HPSE2: variants seen among roughly 807,000 people sequenced by gnomAD.
HPSE2 encodes the protein heparanase 2 (inactive).
HPSE2 carries 38 observed loss-of-function variants against 60.5 expected under a neutral mutation model. That is an observed-to-expected ratio of 0.63 (90% CI 0.48 to 0.82). The LOEUF (loss-of-function observed/expected upper bound fraction) is 0.82, where lower values mean the gene tolerates loss of function less well. Ranked by LOEUF, HPSE2 falls within the 40% of genes least tolerant of loss-of-function variation. HPSE2 has a pLI of 0.00. For synonymous variants in HPSE2, 295 were observed against 293.2 expected (o/e 1.01, Z -0.06); for missense variants, 713 against 740.4 (o/e 0.96, Z 0.43).
intron 3 of HPSE2, among the ~76,000 whole-genome samples, chr10:99,110,104 C>T (rs771462047): frequency 6.6e-6 from 1 of 152,122 alleles, no homozygotes; most frequent in Non-Finnish European, 1.5e-5. Flanking sequence ...GATATTAGTT[C>T]GTTGGTTTTT....
At chr10:98,952,448 G>A (rs1440224441) in intron 3 of HPSE2, among the ~76,000 whole-genome samples, 1 of 151,612 alleles carries the variant, frequency 6.6e-6, no homozygotes, top group African/African-American at 2.4e-5. Flanking sequence ...TTTTAAAACG[G>A]TAAATCCTTT....
chr10:99,024,338 T>G (rs565368034), intron 3 of HPSE2, among the ~76,000 whole-genome samples: 56 of 152,016 alleles, frequency 3.7e-4, no homozygotes, highest in Non-Finnish European at 5.7e-4. Context: ...ACCTACAAGA[T>G]CTAGATAGGT....
intron 3 of HPSE2, among the ~76,000 whole-genome samples, chr10:98,902,198 T>C (rs1334670721): frequency 1.3e-5 from 2 of 152,126 alleles, no homozygotes; most frequent in African/African-American, 4.8e-5. Context: ...GAATAAAGTA[T>C]CAGATGAAGT....
At chr10:98,999,369 G>A (rs1017779844) in intron 3 of HPSE2, among the ~76,000 whole-genome samples, 4 of 152,098 alleles carry the variant, frequency 2.6e-5, no homozygotes, top group South Asian at 2.1e-4. Context: ...AAGAGCTTAC[G>A]TGTGCCTATT....
chr10:98,711,875 G>A lies in HPSE2; in HGVS notation c.956+9782C>T, dbSNP rs116913826. On this transcript the variant is annotated intron_variant, in intron 5 of 11. Transcript: ENST00000370552. ...TCTTTATTCAAAATGCCAATATCTG[G>A]CTCACATCCCCACACATCTGCTTCA... Among the ~76,000 whole-genome samples, 1,267 of 152,196 alleles carry A rather than the reference G, an allele frequency of 8.3e-3. 6 individuals are homozygous for A. Among genetic ancestry groups the A allele is most frequent in the South Asian group, 0.02 (95 of 4,818 alleles).
chr10:98,813,865 A>G (rs1951223482), intron 3 of HPSE2, among the ~76,000 whole-genome samples: 1 of 152,246 alleles, frequency 6.6e-6, no homozygotes, highest in African/African-American at 2.4e-5. Context: ...GCAATAAAAC[A>G]TATTAAATTC....
At chr10:99,005,489 TTC>T (rs956570960) in intron 3 of HPSE2, among the ~76,000 whole-genome samples, 11 of 152,152 alleles carry the variant, frequency 7.2e-5, no homozygotes, top group Admixed American at 6.5e-4. Flanking sequence ...GCTCCAGAAT[TTC>T]TGTTTGACTT....
intron 9 of HPSE2, among the ~76,000 whole-genome samples, chr10:98,511,173 C>T (rs1315090495): frequency 6.8e-6 from 1 of 146,656 alleles, no homozygotes; most frequent in Non-Finnish European, 1.5e-5. Context: ...TTTTTTGAGA[C>T]AGATTCTTGC....
chr10:98,846,390 T>A (rs1321171817), intron 3 of HPSE2, among the ~76,000 whole-genome samples: 1 of 152,206 alleles, frequency 6.6e-6, no homozygotes, highest in Non-Finnish European at 1.5e-5. Flanking sequence ...GGTTTTGAAG[T>A]TTGTGATCAG....
At chr10:99,234,409 G>A (rs1849771271) in intron 1 of HPSE2, among the ~76,000 whole-genome samples, 1 of 152,224 alleles carries the variant, frequency 6.6e-6, no homozygotes, top group African/African-American at 2.4e-5. Flanking sequence ...AAATACGAAG[G>A]ACGCACAACG....
chr10:99,178,040 AAG>A (rs1282266889), intron 2 of HPSE2, among the ~76,000 whole-genome samples: 2 of 152,074 alleles, frequency 1.3e-5, no homozygotes, highest in Non-Finnish European at 2.9e-5. Flanking sequence ...TAACTAAATG[AAG>A]GCAGATATAA....
Position 98,693,779 on chromosome 10 carries a change from A to AT in HPSE2, c.1004+120dup. 3.4e-6 allele frequency: 3 copies of AT among 874,756 alleles called. No homozygotes were observed. The South Asian group carries it at 4.0e-5, about 12-fold the overall frequency. The allele number at this position is 874,756 out of a possible 1,614,324, so 54.2% of individuals were successfully genotyped here. On this transcript the variant is annotated intron_variant, in intron 6 of 11. Transcript: ENST00000370552. ...AAAACAACTTTGGAGTTACTTTCAA[A>AT]TTTTTTCCTGGAGGATGAAGGATAG...
At chr10:98,799,366 A>G (rs1950853829) in intron 3 of HPSE2, among the ~76,000 whole-genome samples, 1 of 152,196 alleles carries the variant, frequency 6.6e-6, no homozygotes. Context: ...CACTTTCAGC[A>G]TTGGACAGAT....
chr10:99,040,127 C>T (rs148696249), intron 3 of HPSE2, among the ~76,000 whole-genome samples: 116 of 152,184 alleles, frequency 7.6e-4, no homozygotes, highest in Non-Finnish European at 1.5e-3. Flanking sequence ...TCGGGTAATG[C>T]TACACAGATA....
chr10:99,177,287 G>A (rs1847563999), intron 2 of HPSE2, among the ~76,000 whole-genome samples: 1 of 152,002 alleles, frequency 6.6e-6, no homozygotes, highest in Non-Finnish European at 1.5e-5. Flanking sequence ...AACCTTAAAT[G>A]TAAATGAGCT....
chr10:99,059,873 TA>T (rs1371522884), intron 3 of HPSE2, among the ~76,000 whole-genome samples: 1 of 152,054 alleles, frequency 6.6e-6, no homozygotes, highest in Non-Finnish European at 1.5e-5. Flanking sequence ...TGTAGAAGCA[TA>T]AAAGACATAC....
At chr10:98,493,582 T>C (rs1591266197) in intron 9 of HPSE2, among the ~76,000 whole-genome samples, 1 of 152,330 alleles carries the variant, frequency 6.6e-6, no homozygotes, top group East Asian at 1.9e-4. Context: ...ATTTAAAATC[T>C]ATTTTGTCTG....
At chr10:98,644,072 C>A (rs1946704806) in intron 6 of HPSE2, among the ~76,000 whole-genome samples, 1 of 152,036 alleles carries the variant, frequency 6.6e-6, no homozygotes, top group Admixed American at 6.6e-5. Flanking sequence ...CCTAGCCTAC[C>A]CCAATCTGTG....
intron 3 of HPSE2, among the ~76,000 whole-genome samples, chr10:99,093,744 T>C (rs1843600591): frequency 6.6e-6 from 1 of 152,220 alleles, no homozygotes; most frequent in Non-Finnish European, 1.5e-5. Context: ...CCCAACATTG[T>C]TGCATCGGGA....
Sources: allele counts gnomAD v4.1 joint callset (sites outside exome capture counted in the v4.1 genomes callset), GRCh38; gene constraint gnomAD v4.1.1; transcripts MANE v1.5; gene names NCBI Gene and HGNC (gene_info 2026-07-23, HGNC 2026-07-21).